Variants in DPYD observed in about 807,000 individuals in gnomAD.
DPYD encodes dihydropyrimidine dehydrogenase.
In DPYD, 109 loss-of-function variants were observed where a neutral mutation model predicts 116.2. The observed-to-expected ratio is 0.94, with a 90% CI of 0.80 to 1.10. The LOEUF is 1.10. Among genes scored for constraint, DPYD ranks in the 50% least tolerant of loss-of-function variants. DPYD has a pLI of 0.00. For synonymous variants in DPYD, 440 were observed against 432.0 expected (o/e 1.02, Z -0.23); for missense variants, 1,302 against 1,254.5 (o/e 1.04, Z -0.57).
At chr1:97,231,474 C>T (rs1010432233) in intron 19 of DPYD, among the ~76,000 whole-genome samples, 3 of 152,172 alleles carry the variant, frequency 2.0e-5, no homozygotes, top group Non-Finnish European at 2.9e-5. Context: ...AAAGTCTCGT[C>T]TTACATGGCG....
chr1:97,642,736 TG>T lies in DPYD; in HGVS notation c.850+36358del, dbSNP rs1330221383. Among the ~76,000 whole-genome samples the T allele has an allele frequency of 8.2e-5, 5 of 61,094 alleles. No individual in the cohort carries two copies. The East Asian group carries it at 3.1e-3, about 38-fold the overall frequency. The allele number at this position is 61,094 out of a possible 152,430, so 40.1% of individuals were successfully genotyped here. ...TCACACTCTGGGGACTGTTGTGGGG[TG>T]GGGGGAGGGGGGAGGGATAGCTTTA... On this transcript the variant is annotated intron_variant, in intron 8 of 22. Coordinates refer to ENST00000370192, the MANE Select transcript of DPYD (RefSeq NM_000110.4).
intron 8 of DPYD, among the ~76,000 whole-genome samples, chr1:97,608,361 C>T (rs1655732472): frequency 6.6e-6 from 1 of 151,848 alleles, no homozygotes; most frequent in Non-Finnish European, 1.5e-5. Flanking sequence ...AACTAAAGCC[C>T]TGAACAATGG....
At chr1:97,159,242 G>T (rs1369084846) in intron 20 of DPYD, among the ~76,000 whole-genome samples, 1 of 151,952 alleles carries the variant, frequency 6.6e-6, no homozygotes, top group Non-Finnish European at 1.5e-5. Context: ...TGAGAAAAAT[G>T]AAGCAAAAAG....
intron 5 of DPYD, among the ~76,000 whole-genome samples, chr1:97,715,364 A>T (rs867468809): frequency 2.0e-5 from 3 of 152,162 alleles, no homozygotes; most frequent in Middle Eastern, 3.2e-3. Context: ...AAGTCCAAGG[A>T]TGCCAATGTA....
intron 21 of DPYD, among the ~76,000 whole-genome samples, chr1:97,090,745 T>C (rs1194115727): frequency 6.6e-6 from 1 of 152,242 alleles, no homozygotes; most frequent in Non-Finnish European, 1.5e-5. Context: ...AAAATTCACG[T>C]TGTATTCCTA....
At chr1:97,473,618 A>C (rs1677781212) in intron 13 of DPYD, among the ~76,000 whole-genome samples, 1 of 152,226 alleles carries the variant, frequency 6.6e-6, no homozygotes, top group African/African-American at 2.4e-5. Flanking sequence ...GGCTAGTATC[A>C]AAAAGTCAAG....
At chr1:97,092,775 T>G (rs1649978998) in intron 21 of DPYD, among the ~76,000 whole-genome samples, 1 of 152,066 alleles carries the variant, frequency 6.6e-6, no homozygotes, top group African/African-American at 2.4e-5. Flanking sequence ...ATCAAAACCT[T>G]AACTCATTAT....
At chr1:97,466,239 T>C (rs1677315818) in intron 13 of DPYD, among the ~76,000 whole-genome samples, 1 of 152,192 alleles carries the variant, frequency 6.6e-6, no homozygotes, top group African/African-American at 2.4e-5. Context: ...GACCTAAAAA[T>C]AAATTGATTC....
chr1:97,160,469 G>A (rs1172872295), intron 20 of DPYD, among the ~76,000 whole-genome samples: 2 of 152,054 alleles, frequency 1.3e-5, no homozygotes, highest in East Asian at 1.9e-4. Context: ...CCTGAAAAAT[G>A]TGAGATTAGA....
chr1:97,798,631 T>G (rs567085889), intron 3 of DPYD, among the ~76,000 whole-genome samples: 2 of 152,070 alleles, frequency 1.3e-5, no homozygotes, highest in South Asian at 4.1e-4. Context: ...AATATGGGCA[T>G]AATAATAGTA....
At chr1:97,248,771 C>G (rs1662890823) in intron 18 of DPYD, among the ~76,000 whole-genome samples, 1 of 152,126 alleles carries the variant, frequency 6.6e-6, no homozygotes, top group South Asian at 2.1e-4. Flanking sequence ...AATTCTTTCT[C>G]TATATACTCT....
At chr1:97,627,571 A>G (rs1472343562) in intron 8 of DPYD, among the ~76,000 whole-genome samples, 1 of 152,094 alleles carries the variant, frequency 6.6e-6, no homozygotes, top group Non-Finnish European at 1.5e-5. Flanking sequence ...TTTCTTGTTA[A>G]CAAAGAACAA....
intron 16 of DPYD, among the ~76,000 whole-genome samples, chr1:97,366,252 G>A (rs774317290): frequency 1.2e-4 from 19 of 152,056 alleles, no homozygotes; most frequent in Non-Finnish European, 2.4e-4. Context: ...AAAAAGTTGG[G>A]CAACATAATA....
intron 3 of DPYD, among the ~76,000 whole-genome samples, chr1:97,808,177 C>T (rs1668168996): frequency 1.3e-5 from 2 of 152,104 alleles, no homozygotes; most frequent in African/African-American, 2.4e-5. Flanking sequence ...ATTGTAATTA[C>T]ACTGAATCTG....
At position 97,170,510 on chromosome 1, in the gene DPYD, AC is replaced by A. The variant is rs1301052295; in HGVS notation, c.2622+22558del. 2.6e-5 allele frequency among the ~76,000 whole-genome samples: 4 copies of A among 152,248 alleles called. No individual in the cohort carries two copies. The East Asian group carries it at 7.7e-4, about 29-fold the overall frequency. ...TGCAGCCAGGCAACCATACACATCT[AC>A]ATAGGCAATGCAGCTGATGAAGGGA... On this transcript the variant is annotated intron_variant, in intron 20 of 22. Transcript: ENST00000370192.
At chr1:97,394,886 T>G (rs2101614633) in intron 14 of DPYD, among the ~76,000 whole-genome samples, 1 of 152,180 alleles carries the variant, frequency 6.6e-6, no homozygotes, top group East Asian at 1.9e-4. Flanking sequence ...TGGCTGACTT[T>G]GAAACAAATG....
rs142652198 is a variant in DPYD, at chr1:97,316,355, A to T, written c.2059-10058T>A. Among the ~76,000 whole-genome samples, 1,446 of 148,690 alleles carry T rather than the reference A, an allele frequency of 9.7e-3. 14 individuals are homozygous for T. Among genetic ancestry groups the T allele is most frequent in the Non-Finnish European group, 0.017 (1,114 of 66,940 alleles). On this transcript the variant is annotated intron_variant, in intron 16 of 22. Transcript: ENST00000370192. ...AAGTAAAAAAAAGAAAAAAAAAAACAAAAAAACAAAAAACCAGGCATGGTA... is the reference window on the plus strand; with the variant it reads ...AAGTAAAAAAAAGAAAAAAAAAAACTAAAAAACAAAAAACCAGGCATGGTA...
chr1:97,104,192 A>G (rs1346430578), intron 20 of DPYD, among the ~76,000 whole-genome samples: 1 of 152,142 alleles, frequency 6.6e-6, no homozygotes, highest in Non-Finnish European at 1.5e-5. Flanking sequence ...GGTGCTGAAT[A>G]TAATTTTTCA....
chr1:97,493,105 T>TA (rs1252865688), intron 13 of DPYD, among the ~76,000 whole-genome samples: 2 of 152,204 alleles, frequency 1.3e-5, no homozygotes, highest in Non-Finnish European at 2.9e-5. Context: ...TCAGTGTTTC[T>TA]AAAAAATGCA....
Sources: allele counts gnomAD v4.1 joint callset (sites outside exome capture counted in the v4.1 genomes callset), GRCh38; gene constraint gnomAD v4.1.1; transcripts MANE v1.5; gene names NCBI Gene and HGNC (gene_info 2026-07-23, HGNC 2026-07-21).